Variants in CCDC3 observed in about 807,000 individuals in gnomAD.
The protein encoded by CCDC3 is coiled-coil domain containing 3, also known as coiled-coil domain-containing protein 3.
A neutral mutation model predicts 21.4 loss-of-function variants in CCDC3; 24 were observed. The observed-to-expected ratio is 1.12, with a 90% CI of 0.81 to 1.58. CCDC3 has a LOEUF of 1.58. Ranked by LOEUF, CCDC3 falls within the 40% of genes most tolerant of loss-of-function variation. CCDC3 has a pLI of 0.00. For synonymous variants in CCDC3, 186 were observed against 166.0 expected (o/e 1.12, Z -0.93); for missense variants, 425 against 360.9 (o/e 1.18, Z -1.44).
chr10:13,050,751 G>A (rs546898786), intron 4 of CCDC3, among the ~76,000 whole-genome samples: 4 of 151,834 alleles, frequency 2.6e-5, no homozygotes, highest in South Asian at 4.2e-4. Flanking sequence ...GAACCACCGC[G>A]CCCAGCCTGT....
At chr10:13,077,432 G>C (rs1017098443) in intron 3 of CCDC3, among the ~76,000 whole-genome samples, 1 of 152,174 alleles carries the variant, frequency 6.6e-6, no homozygotes, top group African/African-American at 2.4e-5. Flanking sequence ...TGGCCATACT[G>C]CCCAAGGTAA....
At chr10:12,919,092 A>G (rs2131214036) in intron 2 of CCDC3, among the ~76,000 whole-genome samples, 1 of 152,258 alleles carries the variant, frequency 6.6e-6, no homozygotes, top group African/African-American at 2.4e-5. Context: ...ACCAAGTTCT[A>G]GCACCATTCC....
rs548601407 is a variant in CCDC3, at chr10:13,039,749, T to A, written c.-2+9925A>T. 8.0e-4 allele frequency among the ~76,000 whole-genome samples: 121 copies of A among 152,200 alleles called. 1 individual carries two copies. The highest frequency in any genetic ancestry group is 2.6e-3 in the African/African-American group (108 of 41,532). On this transcript the variant is annotated intron_variant, in intron 5 of 6. Coordinates refer to the CCDC3 transcript ENST00000378839. The stretch of plus-strand genomic sequence containing the variant: ...TTCTCTTTTCCTGGATCTGATTTCC[T>A]CCTTGTGCACAGCATCGTCAGCTGA...
intron 2 of CCDC3, among the ~76,000 whole-genome samples, chr10:12,901,651 G>C (rs185144127): frequency 9.1e-4 from 138 of 152,278 alleles, no homozygotes; most frequent in African/African-American, 3.2e-3. Context: ...TTGTTGGGAG[G>C]ATTTCATGAG....
At chr10:12,970,385 G>A (rs550832387) in intron 2 of CCDC3, among the ~76,000 whole-genome samples, 9 of 152,208 alleles carry the variant, frequency 5.9e-5, no homozygotes, top group Middle Eastern at 3.4e-3. Flanking sequence ...CAACCCCATC[G>A]TAAGTTGAGG....
intron 2 of CCDC3, among the ~76,000 whole-genome samples, chr10:12,923,218 G>C (rs144266985): frequency 1.1e-4 from 16 of 152,226 alleles, no homozygotes; most frequent in Admixed American, 6.5e-4. Context: ...TCTGTTTGGG[G>C]AACACAGGTC....
At chr10:13,013,223 A>G (rs557308136) in intron 5 of CCDC3, among the ~76,000 whole-genome samples, 16 of 152,226 alleles carry the variant, frequency 1.1e-4, no homozygotes, top group Non-Finnish European at 2.1e-4. Flanking sequence ...TGGTTTCTAA[A>G]TATCATTCTC....
chr10:13,072,772 C>T (rs1214943213), intron 4 of CCDC3, among the ~76,000 whole-genome samples: 1 of 152,098 alleles, frequency 6.6e-6, no homozygotes, highest in Non-Finnish European at 1.5e-5. Flanking sequence ...TGACATGAAC[C>T]CAGTTTTAGC....
rs1554752962 is a variant in CCDC3 at position 12,908,612 on chromosome 10, C to CTTTCT, written c.550-9934_550-9933insAGAAA. On this transcript the variant is annotated intron_variant, in intron 2 of 2. Transcript: ENST00000378825. Reference sequence around the variant, plus strand: ...TTCTTGGCTAAGAACTGTGATTTTTCTTTTTTTTTTTTTTTGAGACAGAGT... The same window carrying CTTTCT: ...TTCTTGGCTAAGAACTGTGATTTTTCTTTCTTTTTTTTTTTTTTTTGAGACAGAGT... Among the ~76,000 whole-genome samples the CTTTCT allele has an allele frequency of 1.1e-3, 152 of 139,334 alleles. 3 individuals carry two copies. In the East Asian group the frequency reaches 0.019, roughly 17 times the overall value. 91.4% of individuals were successfully genotyped at this position (139,334 alleles called of 152,430 possible).
chr10:12,934,080 A>G (rs1351057582), intron 2 of CCDC3, among the ~76,000 whole-genome samples: 4 of 152,244 alleles, frequency 2.6e-5, no homozygotes, highest in South Asian at 2.1e-4. Flanking sequence ...ATTTCATGCT[A>G]TAAAATTTTC....
chr10:13,044,124 T>A (rs1836495089), intron 5 of CCDC3, among the ~76,000 whole-genome samples: 1 of 152,208 alleles, frequency 6.6e-6, no homozygotes, highest in Non-Finnish European at 1.5e-5. Context: ...TTGACCATTT[T>A]TTCATATGTT....
chr10:13,065,295 G>T (rs2131435535), intron 4 of CCDC3, among the ~76,000 whole-genome samples: 1 of 152,154 alleles, frequency 6.6e-6, no homozygotes. Flanking sequence ...GGAAGTAGCT[G>T]GATGAAATAG....
intron 2 of CCDC3, among the ~76,000 whole-genome samples, chr10:12,951,430 A>G (rs1003903348): frequency 3.9e-5 from 6 of 152,236 alleles, no homozygotes; most frequent in Admixed American, 2.0e-4. Flanking sequence ...ATGATCCATT[A>G]GCAGTGGGCT....
At chr10:13,078,268 A>G (rs1476929347) in intron 3 of CCDC3, among the ~76,000 whole-genome samples, 1 of 152,244 alleles carries the variant, frequency 6.6e-6, no homozygotes, top group East Asian at 1.9e-4. Context: ...AATGCTCATC[A>G]TCACTGGCCA....
At chr10:12,983,082 AC>A (rs1835526917) in intron 2 of CCDC3, among the ~76,000 whole-genome samples, 1 of 146,254 alleles carries the variant, frequency 6.8e-6, no homozygotes, top group Admixed American at 7.0e-5. Flanking sequence ...ACTACACTCC[AC>A]CCTGGGTGAT....
intron 2 of CCDC3, among the ~76,000 whole-genome samples, chr10:12,962,448 C>T (rs191564467): frequency 0.028 from 4,214 of 152,190 alleles, 81 homozygotes; most frequent in Non-Finnish European, 0.041. Context: ...ACTAAATATA[C>T]AAAAATTAGC....
rs867868371 is a variant in CCDC3 at position 12,993,159 on chromosome 10, G to A, written c.549+5179C>T. 5.3e-5 allele frequency among the ~76,000 whole-genome samples: 8 copies of A among 152,304 alleles called. No homozygotes were observed. The Middle Eastern group carries it at 0.01, about 194-fold the overall frequency. On this transcript the variant is annotated intron_variant, in intron 2 of 2. Transcript: ENST00000378825. The stretch of plus-strand genomic sequence containing the variant: ...ATTCTTTTTCAATGTGGTTTTTAAA[G>A]CAATACTTGAGAATAATCAGCTTCC...
chr10:12,968,202 T>TACACATACACACAC (rs1554757157), intron 2 of CCDC3, among the ~76,000 whole-genome samples: 1 of 143,488 alleles, frequency 7.0e-6, no homozygotes, highest in Non-Finnish European at 1.5e-5. Flanking sequence ...CACACACACA[T>TACACATACACACAC]ACACACACAC....
intron 4 of CCDC3, among the ~76,000 whole-genome samples, chr10:13,065,624 C>G (rs1042115532): frequency 6.6e-6 from 1 of 152,202 alleles, no homozygotes; most frequent in Non-Finnish European, 1.5e-5. Flanking sequence ...ATATCCTGCT[C>G]ATTCCTCAAC....
Sources: allele counts gnomAD v4.1 joint callset (sites outside exome capture counted in the v4.1 genomes callset), GRCh38; gene constraint gnomAD v4.1.1; transcripts MANE v1.5; gene names NCBI Gene and HGNC (gene_info 2026-07-23, HGNC 2026-07-21).